Variants in ANKRD12 observed in about 807,000 individuals in gnomAD.
ANKRD12 encodes the protein ankyrin repeat domain 12.
In ANKRD12, 85 loss-of-function variants were observed where a neutral mutation model predicts 183.4. That is an observed-to-expected ratio of 0.46 (90% CI 0.39 to 0.56). ANKRD12 has a LOEUF of 0.56. ANKRD12 is among the 20% of genes least tolerant of loss of function. ANKRD12 has a pLI of 0.00. For missense variants in ANKRD12, 2,405 were observed against 2,357.1 expected, an observed-to-expected ratio of 1.02 and a Z score of -0.42; for synonymous variants, 914 against 800.2, an observed-to-expected ratio of 1.14 and a Z score of -2.40.
chr18:9,167,559 A>G (rs1402236064), intron 1 of ANKRD12, among the ~76,000 whole-genome samples: 2 of 152,200 alleles, frequency 1.3e-5, no homozygotes, highest in Admixed American at 6.5e-5. Flanking sequence ...ATTTTTGTAC[A>G]TTGATTTTGT....
At chr18:9,271,970 A>G (rs2039624715) in intron 10 of ANKRD12, among the ~76,000 whole-genome samples, 1 of 152,188 alleles carries the variant, frequency 6.6e-6, no homozygotes, top group Non-Finnish European at 1.5e-5. Context: ...CCCACAGAAA[A>G]TGGTAACATT....
intron 4 of ANKRD12, among the ~76,000 whole-genome samples, 163 bp from the exon 5 acceptor site, chr18:9,208,494 A>C (rs2035606193): frequency 6.6e-6 from 1 of 152,170 alleles, no homozygotes; most frequent in Non-Finnish European, 1.5e-5. Context: ...AAAATTGTTT[A>C]TATAATATAA....
At chr18:9,216,298 C>A (rs773217896) in intron 6 of ANKRD12, among the ~76,000 whole-genome samples, 11 of 152,076 alleles carry the variant, frequency 7.2e-5, no homozygotes, top group Non-Finnish European at 1.3e-4. Context: ...ATGATGATGA[C>A]CTTTTTGATG....
chr18:9,152,643 C>G (rs1314296463), intron 1 of ANKRD12, among the ~76,000 whole-genome samples: 1 of 151,798 alleles, frequency 6.6e-6, no homozygotes, highest in Non-Finnish European at 1.5e-5. Context: ...TATCTACATT[C>G]TATTTACCAC....
At chr18:9,151,792 A>G (rs892135576) in intron 1 of ANKRD12, among the ~76,000 whole-genome samples, 2 of 152,230 alleles carry the variant, frequency 1.3e-5, no homozygotes, top group Non-Finnish European at 2.9e-5. Context: ...TACTTTCTCT[A>G]GATAGAATAC....
chr18:9,174,851 TG>T (rs58433612), intron 1 of ANKRD12, among the ~76,000 whole-genome samples: 85,057 of 151,968 alleles, frequency 0.56, 24,870 homozygotes, highest in South Asian at 0.75. Context: ...ATAATCCCAG[TG>T]CTTTGTGAAA....
At chr18:9,216,606 C>A in intron 6 of ANKRD12, 152 bp from the exon 7 acceptor site, 1 of 705,030 alleles carries the variant, frequency 1.4e-6, no homozygotes, top group Non-Finnish European at 2.3e-6. Flanking sequence ...TGATATTGTT[C>A]TTATTTATTT....
chr18:9,190,181 C>G (rs1017443145), intron 2 of ANKRD12, among the ~76,000 whole-genome samples: 2 of 152,134 alleles, frequency 1.3e-5, no homozygotes, highest in African/African-American at 4.8e-5. Context: ...AGTGGAGGAA[C>G]TAACTGTAGA....
chr18:9,176,581 G>T (rs931614955), intron 1 of ANKRD12, among the ~76,000 whole-genome samples: 1 of 151,900 alleles, frequency 6.6e-6, no homozygotes, highest in Non-Finnish European at 1.5e-5. Context: ...GTGAACCTCT[G>T]TGCCCAGCCC....
intron 1 of ANKRD12, among the ~76,000 whole-genome samples, chr18:9,143,563 C>G (rs751344184): frequency 6.6e-6 from 1 of 152,162 alleles, no homozygotes; most frequent in Non-Finnish European, 1.5e-5. Flanking sequence ...TGGTTTCAAG[C>G]GATTCTCCTG....
chr18:9,203,654 G>T (rs144792650), intron 3 of ANKRD12, among the ~76,000 whole-genome samples: 1,567 of 152,008 alleles, frequency 0.01, 21 homozygotes, highest in African/African-American at 0.036. Flanking sequence ...ACCCAGGCTG[G>T]AGTACAATGG....
chr18:9,285,451 GTATATCACA>G lies in ANKRD12; in HGVS notation c.*4329_*4337del, dbSNP rs952381435. 3.0e-5 allele frequency: 4 copies of G among 131,310 alleles called. No homozygotes were observed. The highest frequency in any genetic ancestry group is 3.0e-4 in the Admixed American group (4 of 13,360). 8.1% of individuals were successfully genotyped at this position (131,310 alleles called of 1,614,324 possible). A position where few individuals can be genotyped will look rare whatever the true frequency, so the allele number is the denominator to read the frequency against. ...CCAAAAAAAAAAAAAAAAAAAAAAA[GTATATCACA>G]TATGTAGCATGTGTTTACAAGTTTA... On this transcript the variant is annotated 3_prime_UTR_variant, in exon 13 of 13. Coordinates refer to ENST00000262126, the MANE Select transcript of ANKRD12 (RefSeq NM_015208.5).
Position 9,194,320 on chromosome 18 carries a change from T to A in ANKRD12, c.88-1231T>A, listed in dbSNP as rs544846596. On this transcript the variant is annotated intron_variant, in intron 2 of 12. Coordinates refer to ENST00000262126, the MANE Select transcript of ANKRD12 (RefSeq NM_015208.5). ...GGAAGCCATTTGAGAACTACTGATA[T>A]AGATAATTTTATTTATTTATTTATT... Among the ~76,000 whole-genome samples the A allele has an allele frequency of 4.2e-5, 6 of 143,366 alleles. No individual in the cohort carries two copies. The South Asian group carries it at 1.4e-3, about 33-fold the overall frequency. 94.1% of individuals were successfully genotyped at this position (143,366 alleles called of 152,430 possible).
chr18:9,222,581 A>G (rs2144759520), intron 8 of ANKRD12, among the ~76,000 whole-genome samples: 1 of 152,188 alleles, frequency 6.6e-6, no homozygotes, highest in South Asian at 2.1e-4. Context: ...GGCAAAATTC[A>G]GTGAAAAAGA....
chr18:9,213,510 T>C (rs1475667098), intron 6 of ANKRD12, among the ~76,000 whole-genome samples: 1 of 151,938 alleles, frequency 6.6e-6, no homozygotes, highest in African/African-American at 2.4e-5. Flanking sequence ...TAGGAACTCG[T>C]TGAAGGAAAT....
At chr18:9,243,527 G>C (rs1257124729) in intron 8 of ANKRD12, among the ~76,000 whole-genome samples, 1 of 152,174 alleles carries the variant, frequency 6.6e-6, no homozygotes, top group Admixed American at 6.5e-5. Context: ...AAGCAGCAGG[G>C]TAAGTTCCTA....
At chr18:9,147,694 T>G (rs2078539460) in intron 1 of ANKRD12, among the ~76,000 whole-genome samples, 1 of 152,174 alleles carries the variant, frequency 6.6e-6, no homozygotes, top group Non-Finnish European at 1.5e-5. Flanking sequence ...GAAATGTACC[T>G]AGAAATCTAG....
intron 8 of ANKRD12, among the ~76,000 whole-genome samples, chr18:9,223,570 G>A (rs2036543035): frequency 6.6e-6 from 1 of 152,070 alleles, no homozygotes; most frequent in African/African-American, 2.4e-5. Flanking sequence ...ATAATTTTGT[G>A]GTAATAAAAG....
At chr18:9,160,441 GT>G (rs35649300) in intron 1 of ANKRD12, among the ~76,000 whole-genome samples, 1 of 152,068 alleles carries the variant, frequency 6.6e-6, no homozygotes, top group Non-Finnish European at 1.5e-5. Flanking sequence ...TAATCCAGTG[GT>G]TTTTTTAGTA....
Sources: allele counts gnomAD v4.1 joint callset (sites outside exome capture counted in the v4.1 genomes callset), GRCh38; gene constraint gnomAD v4.1.1; transcripts MANE v1.5; gene names NCBI Gene and HGNC (gene_info 2026-07-23, HGNC 2026-07-21).